TEC: variants seen among roughly 807,000 people sequenced by gnomAD.
TEC encodes tec protein tyrosine kinase.
A neutral mutation model predicts 93.0 loss-of-function variants in TEC; 72 were observed. The ratio of observed to expected loss-of-function variants is 0.77; its 90% CI spans 0.64 to 0.94. TEC has a LOEUF of 0.94. TEC is among the 40% of genes least tolerant of loss of function. TEC has a pLI of 0.00. For synonymous variants in TEC, 249 were observed against 247.7 expected (o/e 1.01, Z -0.05); for missense variants, 630 against 757.9 (o/e 0.83, Z 1.98).
At chr4:48,176,011 G>A (rs1454614557) in intron 3 of TEC, 71 bp downstream of exon 3, 4 of 1,184,934 alleles carry the variant, frequency 3.4e-6, no homozygotes. Context: ...GCAAGGACAG[G>A]AAACTGTAAT....
intron 1 of TEC, among the ~76,000 whole-genome samples, chr4:48,263,355 T>C (rs1010613642): frequency 4.6e-5 from 7 of 152,214 alleles, no homozygotes; most frequent in African/African-American, 1.7e-4. Context: ...TGCACTTCAC[T>C]GAAAGGTAAA....
At chr4:48,174,153 CT>C (rs1721227977) in intron 3 of TEC, among the ~76,000 whole-genome samples, 1 of 152,118 alleles carries the variant, frequency 6.6e-6, no homozygotes, top group African/African-American at 2.4e-5. Context: ...TGTTTTCAAA[CT>C]TTTCTCATAT....
chr4:48,154,283 A>C (rs566419615), intron 9 of TEC, among the ~76,000 whole-genome samples: 4 of 152,382 alleles, frequency 2.6e-5, no homozygotes, highest in African/African-American at 9.6e-5. Flanking sequence ...AATTTAATTC[A>C]GACATTTTGC....
In TEC at chr4:48,141,397, CTT is replaced by C; in HGVS notation, c.1491_1492del (p.Ser498Ter). The C allele has an allele frequency of 6.2e-7, 1 of 1,613,852 alleles. No individual in the cohort carries two copies. The stretch of plus-strand genomic sequence containing the variant: ...AGATACTTTTACAACTCCCGCCTCA[CTT>C]ACTAGACAATTTCTGGCAGCCTGGA... On this transcript the variant is annotated frameshift_variant, in exon 15 of 18. Coordinates refer to ENST00000381501, the MANE Select transcript of TEC (RefSeq NM_003215.3). LOFTEE classifies it high-confidence loss of function.
chr4:48,232,144 C>T (rs1025591126), intron 1 of TEC, among the ~76,000 whole-genome samples: 3 of 151,964 alleles, frequency 2.0e-5, no homozygotes, highest in African/African-American at 7.3e-5. Flanking sequence ...CAAAAACTAG[C>T]TGGGTGAGGT....
chr4:48,146,706 G>C (rs1407802094), intron 11 of TEC, among the ~76,000 whole-genome samples: 2 of 152,104 alleles, frequency 1.3e-5, no homozygotes, highest in Non-Finnish European at 2.9e-5. Context: ...AAGGGAATTA[G>C]ATTAGTCTGC....
At chr4:48,168,057 C>T (rs1720946015) in intron 6 of TEC, 104 bp from the exon 7 acceptor site, 2 of 1,000,226 alleles carry the variant, frequency 2.0e-6, no homozygotes, top group East Asian at 4.9e-5. Context: ...AAACTAGAAA[C>T]TTCAAGTCTA....
At chr4:48,229,080 C>T (rs1417852760) in intron 1 of TEC, among the ~76,000 whole-genome samples, 1 of 152,220 alleles carries the variant, frequency 6.6e-6, no homozygotes, top group African/African-American at 2.4e-5. Flanking sequence ...ACCTTACAGA[C>T]ACAGCCAACT....
chr4:48,137,099 G>A lies in TEC; in HGVS notation c.*317C>T, dbSNP rs1719457118. Reference sequence around the variant, plus strand: ...CCTTCAACTGGCATCAGCTAACATGGTCCCATGTGTGCACCCCTGAATGGC... The same window carrying A: ...CCTTCAACTGGCATCAGCTAACATGATCCCATGTGTGCACCCCTGAATGGC... On this transcript the variant is annotated 3_prime_UTR_variant, in exon 18 of 18. Coordinates refer to ENST00000381501, the MANE Select transcript of TEC (RefSeq NM_003215.3). 3.7e-6 allele frequency: 1 copy of A among 272,310 alleles called. No homozygotes were observed. The highest frequency in any genetic ancestry group is 6.3e-5 in the South Asian group (1 of 15,840). 16.9% of individuals were successfully genotyped at this position (272,310 alleles called of 1,614,324 possible). A position where few individuals can be genotyped will look rare whatever the true frequency, so the allele number is the denominator to read the frequency against.
At chr4:48,156,548 C>A (rs1720408888) in intron 9 of TEC, 132 bp downstream of exon 9, 1 of 692,442 alleles carries the variant, frequency 1.4e-6, no homozygotes, top group South Asian at 3.0e-5. Flanking sequence ...CTCCCTCAGC[C>A]TCTGGGAATA....
chr4:48,242,987 G>T (rs1012375094), intron 1 of TEC, among the ~76,000 whole-genome samples: 8 of 152,098 alleles, frequency 5.3e-5, no homozygotes, highest in South Asian at 2.1e-4. Flanking sequence ...GCCCCCAAAT[G>T]TAATTATTCT....
At chr4:48,249,786 G>A (rs889167534) in intron 1 of TEC, among the ~76,000 whole-genome samples, 12 of 151,370 alleles carry the variant, frequency 7.9e-5, no homozygotes, top group Non-Finnish European at 1.3e-4. Flanking sequence ...TGCCAAATCA[G>A]AAGGCTGTAC....
intron 2 of TEC, among the ~76,000 whole-genome samples, chr4:48,208,129 G>A (rs1421008170): frequency 6.6e-6 from 1 of 152,212 alleles, no homozygotes; most frequent in Non-Finnish European, 1.5e-5. Context: ...GAGGGTGGGA[G>A]TGGCAGGTCT....
intron 2 of TEC, among the ~76,000 whole-genome samples, chr4:48,185,808 CT>C (rs1721803810): frequency 8.3e-6 from 1 of 121,088 alleles, no homozygotes; most frequent in Admixed American, 8.2e-5. Flanking sequence ...CCTCTCCCAT[CT>C]CCCTCCCCCT....
chr4:48,188,117 C>T (rs917133838), intron 2 of TEC, among the ~76,000 whole-genome samples: 3 of 152,178 alleles, frequency 2.0e-5, no homozygotes, highest in Non-Finnish European at 4.4e-5. Flanking sequence ...CCATCCCCTT[C>T]CTTGTCGCCC....
At chr4:48,250,094 C>G (rs1040847308) in intron 1 of TEC, among the ~76,000 whole-genome samples, 1 of 152,198 alleles carries the variant, frequency 6.6e-6, no homozygotes, top group South Asian at 2.1e-4. Flanking sequence ...GCAACCCTAA[C>G]ATCTTTATTT....
At chr4:48,231,864 A>C (rs1723656625) in intron 1 of TEC, among the ~76,000 whole-genome samples, 1 of 152,248 alleles carries the variant, frequency 6.6e-6, no homozygotes, top group Non-Finnish European at 1.5e-5. Context: ...ACCATTGTAA[A>C]CAAATGGAAG....
intron 2 of TEC, among the ~76,000 whole-genome samples, chr4:48,190,578 C>A (rs750025719): frequency 6.6e-6 from 1 of 152,092 alleles, no homozygotes; most frequent in Admixed American, 6.5e-5. Context: ...CCTAGCAAGA[C>A]GAATCAAAGT....
intron 2 of TEC, among the ~76,000 whole-genome samples, chr4:48,200,327 C>T (rs1722460339): frequency 6.6e-6 from 1 of 152,144 alleles, no homozygotes; most frequent in African/African-American, 2.4e-5. Flanking sequence ...GACAGGCTGG[C>T]AGGCTGCTGG....
Sources: allele counts gnomAD v4.1 joint callset (sites outside exome capture counted in the v4.1 genomes callset), GRCh38; gene constraint gnomAD v4.1.1; transcripts MANE v1.5; gene names NCBI Gene and HGNC (gene_info 2026-07-23, HGNC 2026-07-21).